Variants in PTCHD4 observed in about 807,000 individuals in gnomAD.
PTCHD4 encodes the protein patched domain-containing protein 4.
A neutral mutation model predicts 58.1 loss-of-function variants in PTCHD4; 33 were observed. The ratio of observed to expected loss-of-function variants is 0.57; its 90% CI spans 0.43 to 0.76. The LOEUF (loss-of-function observed/expected upper bound fraction) is 0.76, where lower values mean the gene tolerates loss of function less well. Ranked by LOEUF, PTCHD4 falls within the 30% of genes least tolerant of loss-of-function variation. The pLI is 0.00. For missense variants in PTCHD4, 1,058 were observed against 1,027.1 expected (o/e 1.03, Z -0.41); for synonymous variants, 478 against 409.6 (o/e 1.17, Z -2.02).
At position 48,069,550 on chromosome 6, in the gene PTCHD4, G is replaced by A. The variant is rs1157819219; in HGVS notation, c.-593C>T. On this transcript the variant is annotated 5_prime_UTR_variant, in exon 2 of 5. Transcript: ENST00000339488. ...TCGCTGTGATTCCACAGACCAGTCC[G>A]CTGCAGCTGAGGGCTGCGGAGACTC... 6.6e-6 allele frequency among the ~76,000 whole-genome samples: 1 copy of A among 152,158 alleles called. No individual in the cohort carries two copies. The highest frequency in any genetic ancestry group is 1.5e-5 in the Non-Finnish European group (1 of 68,026).
intron 3 of PTCHD4, among the ~76,000 whole-genome samples, chr6:48,064,836 G>T (rs1276050359): frequency 6.6e-6 from 1 of 152,086 alleles, no homozygotes; most frequent in Non-Finnish European, 1.5e-5. Context: ...ATAAAAGAAA[G>T]ATTATAATGA....
At chr6:48,096,844 C>G (rs1487854611) in intron 1 of PTCHD4, among the ~76,000 whole-genome samples, 2 of 151,772 alleles carry the variant, frequency 1.3e-5, no homozygotes, top group Non-Finnish European at 2.9e-5. Context: ...TTGCATTAGA[C>G]AAGTAAGAAT....
At chr6:48,104,255 G>C (rs1027360161) in intron 1 of PTCHD4, among the ~76,000 whole-genome samples, 2 of 152,136 alleles carry the variant, frequency 1.3e-5, no homozygotes, top group Non-Finnish European at 2.9e-5. Context: ...CTGATCTCTC[G>C]GCAGAAACTC....
At position 47,867,693 on chromosome 6, in the gene PTCHD4, A is replaced by C. The variant is rs1376648096; in HGVS notation, c.*10610T>G. ...CTTTTTCTCCCTGACTGTTGAGCCC[A>C]TCCTCCATCTCTATCTATTAGAATC... On this transcript the variant is annotated 3_prime_UTR_variant, in exon 5 of 5. Transcript: ENST00000339488. Among the ~76,000 whole-genome samples the C allele has an allele frequency of 1.3e-5, 2 of 151,708 alleles. No individual in the cohort carries two copies. Among genetic ancestry groups the C allele is most frequent in the African/African-American group, 4.8e-5 (2 of 41,356 alleles).
rs1289098725 is a variant in PTCHD4 at position 47,859,467 on chromosome 6, G to C, written c.*18836C>G. 6.6e-6 allele frequency among the ~76,000 whole-genome samples: 1 copy of C among 151,862 alleles called. No homozygotes were observed. The highest frequency in any genetic ancestry group is 1.5e-5 in the Non-Finnish European group (1 of 67,948). On this transcript the variant is annotated 3_prime_UTR_variant, in exon 5 of 5. Transcript: ENST00000339488. ...CTTAAAATGACTTACTAGATAATGA[G>C]ATACATCTAATATATTTGCAACTGA... is the stretch of plus-strand genomic sequence containing the variant.
At chr6:48,019,757 A>T (rs1763000783) in intron 3 of PTCHD4, among the ~76,000 whole-genome samples, 1 of 151,844 alleles carries the variant, frequency 6.6e-6, no homozygotes. Context: ...AAATAATAAT[A>T]TATGTACTGT....
At chr6:48,107,074 T>A (rs192733635) in intron 1 of PTCHD4, among the ~76,000 whole-genome samples, 26 of 152,208 alleles carry the variant, frequency 1.7e-4, no homozygotes, top group East Asian at 1.4e-3. Flanking sequence ...TACCAATGAC[T>A]TTCTGCACAG....
At chr6:47,956,730 GC>G (rs1766877184) in intron 4 of PTCHD4, among the ~76,000 whole-genome samples, 2 of 152,100 alleles carry the variant, frequency 1.3e-5, no homozygotes, top group African/African-American at 4.8e-5. Context: ...ACTGCTCCTG[GC>G]CGAGAGTATG....
intron 1 of PTCHD4, among the ~76,000 whole-genome samples, chr6:48,083,648 A>G (rs1765207207): frequency 6.6e-6 from 1 of 152,172 alleles, no homozygotes; most frequent in African/African-American, 2.4e-5. Context: ...GATGCAGCAA[A>G]ATAAGTTAGA....
At chr6:48,017,853 C>T (rs12197006) in intron 3 of PTCHD4, among the ~76,000 whole-genome samples, 28,118 of 152,052 alleles carry the variant, frequency 0.18, 2,813 homozygotes, top group South Asian at 0.28. Flanking sequence ...GGTACTATAA[C>T]GTAATGGTTA....
In PTCHD4 at chr6:47,878,415, A is replaced by G. The variant is rs1229827361; in HGVS notation, c.2420T>C (p.Phe807Ser). 2.5e-6 allele frequency: 4 copies of G among 1,612,584 alleles called. No homozygotes were observed. Among genetic ancestry groups the G allele is most frequent in the Non-Finnish European group, 2.5e-6 (3 of 1,179,504 alleles). ...CTTGTGGTGCTTTTTGGAAGGGGGGAAAAACGTTAGGAACACAGGTAAAAT... is the reference window on the plus strand; with the variant it reads ...CTTGTGGTGCTTTTTGGAAGGGGGGGAAAACGTTAGGAACACAGGTAAAAT... ...FVILPVFLTF[F>S]PPSKKHHKKK... The change falls in exon 5 of 5, where the codon TTC becomes TCC. Residue 807 changes from phenylalanine to serine, a missense_variant. Physicochemically the swap from Phe to Ser is radical, Grantham distance 155 (BLOSUM62 -2). Coordinates refer to ENST00000339488, the MANE Select transcript of PTCHD4 (RefSeq NM_001384253.1).
chr6:48,017,381 T>C (rs540293033), intron 3 of PTCHD4, among the ~76,000 whole-genome samples: 23 of 152,272 alleles, frequency 1.5e-4, no homozygotes, highest in African/African-American at 5.3e-4. Flanking sequence ...ATAAATTCAA[T>C]TTATTTTGTC....
intron 4 of PTCHD4, among the ~76,000 whole-genome samples, chr6:47,956,425 G>GT (rs946187475): frequency 0.011 from 1,604 of 148,838 alleles, 26 homozygotes; most frequent in African/African-American, 0.035. Context: ...AGAGAGTATG[G>GT]TTTTTTTTTT....
chr6:47,945,413 A>T (rs2113933651), intron 4 of PTCHD4, among the ~76,000 whole-genome samples: 1 of 152,204 alleles, frequency 6.6e-6, no homozygotes, highest in East Asian at 1.9e-4. Flanking sequence ...AATACTTTAC[A>T]AATATCCTTT....
At chr6:48,104,572 T>C (rs956807592) in intron 1 of PTCHD4, among the ~76,000 whole-genome samples, 1 of 152,196 alleles carries the variant, frequency 6.6e-6, no homozygotes, top group Admixed American at 6.5e-5. Flanking sequence ...GCTAACATCA[T>C]AATGATAGGA....
intron 4 of PTCHD4, among the ~76,000 whole-genome samples, chr6:47,922,077 G>A (rs1275457173): frequency 6.6e-6 from 1 of 152,014 alleles, no homozygotes; most frequent in African/African-American, 2.4e-5. Flanking sequence ...GTTTGAGGCT[G>A]CAGTGATGTA....
intron 4 of PTCHD4, among the ~76,000 whole-genome samples, chr6:47,961,316 G>A (rs1293994401): frequency 2.0e-5 from 3 of 149,240 alleles, no homozygotes; most frequent in Admixed American, 6.7e-5. Context: ...TTCTTGAGAC[G>A]GAGTCTTGCT....
At chr6:47,881,612 T>C (rs1290664891) in intron 4 of PTCHD4, among the ~76,000 whole-genome samples, 1 of 152,192 alleles carries the variant, frequency 6.6e-6, no homozygotes, top group African/African-American at 2.4e-5. Flanking sequence ...CAATGTTTCC[T>C]AGGTCAGTTA....
At chr6:47,961,414 T>C (rs113854328) in intron 4 of PTCHD4, among the ~76,000 whole-genome samples, 5,022 of 151,634 alleles carry the variant, frequency 0.033, 149 homozygotes, top group African/African-American at 0.075. Context: ...GCCTCAGCTT[T>C]CCAAGTAGCT....
Sources: gnomAD v4.1 joint callset for allele counts (sites outside exome capture counted in the v4.1 genomes callset) on GRCh38, gnomAD v4.1.1 for gene constraint, MANE v1.5 for transcripts, NCBI Gene and HGNC (gene_info 2026-07-23, HGNC 2026-07-21) for gene names.